Variants in SEMA6D observed in about 807,000 individuals in gnomAD.
SEMA6D encodes semaphorin 6D, also known as semaphorin-6D.
SEMA6D carries 35 observed loss-of-function variants against 106.6 expected under a neutral mutation model. The ratio of observed to expected loss-of-function variants is 0.33; its 90% CI spans 0.25 to 0.44. The LOEUF (loss-of-function observed/expected upper bound fraction) is 0.44, where lower values mean the gene tolerates loss of function less well. Ranked by LOEUF, SEMA6D falls within the 20% of genes least tolerant of loss-of-function variation. The pLI is 1.00. For synonymous variants in SEMA6D, 499 were observed against 487.7 expected (o/e 1.02, Z -0.31); for missense variants, 1,185 against 1,345.9 (o/e 0.88, Z 1.87).
intron 1 of SEMA6D, among the ~76,000 whole-genome samples, chr15:47,344,894 G>A (rs1479716477): frequency 2.6e-5 from 4 of 152,060 alleles, no homozygotes; most frequent in Non-Finnish European, 4.4e-5. Flanking sequence ...GTCCAATTAC[G>A]TTTTTGTATA....
chr15:47,608,749 A>G (rs2076833228), intron 4 of SEMA6D, among the ~76,000 whole-genome samples: 1 of 152,166 alleles, frequency 6.6e-6, no homozygotes, highest in Non-Finnish European at 1.5e-5. Context: ...TCTGCCCAAA[A>G]TCTGAAGTAT....
chr15:47,211,782 ATAAT>A (rs1430442701), intron 1 of SEMA6D, among the ~76,000 whole-genome samples: 1 of 152,168 alleles, frequency 6.6e-6, no homozygotes, highest in African/African-American at 2.4e-5. Flanking sequence ...AAAGAAACAG[ATAAT>A]TATTAAGTGG....
intron 1 of SEMA6D, among the ~76,000 whole-genome samples, chr15:47,308,588 G>C (rs2036319928): frequency 6.6e-6 from 1 of 152,184 alleles, no homozygotes; most frequent in Non-Finnish European, 1.5e-5. Flanking sequence ...TGGCAGAAGA[G>C]TTTCTCAGAG....
At chr15:47,462,020 T>C (rs1175128647) in intron 2 of SEMA6D, among the ~76,000 whole-genome samples, 1 of 152,084 alleles carries the variant, frequency 6.6e-6, no homozygotes, top group African/African-American at 2.4e-5. Context: ...TTGGTGATTC[T>C]AGATACTGAT....
At chr15:47,587,998 A>G (rs1441605886) in intron 3 of SEMA6D, among the ~76,000 whole-genome samples, 2 of 152,160 alleles carry the variant, frequency 1.3e-5, no homozygotes, top group East Asian at 3.9e-4. Context: ...GAGTGCAGCT[A>G]CTTCTACAGG....
At chr15:47,234,723 C>T (rs1046286150) in intron 1 of SEMA6D, among the ~76,000 whole-genome samples, 2 of 151,978 alleles carry the variant, frequency 1.3e-5, no homozygotes, top group African/African-American at 4.8e-5. Context: ...TATATATTAT[C>T]ACATTTTCTT....
intron 1 of SEMA6D, among the ~76,000 whole-genome samples, chr15:47,356,254 C>T (rs548535672): frequency 1.3e-5 from 2 of 152,282 alleles, no homozygotes; most frequent in Non-Finnish European, 2.9e-5. Flanking sequence ...GAAGGAACAA[C>T]AAATGGTAAT....
At chr15:47,342,799 C>A (rs1488588979) in intron 1 of SEMA6D, among the ~76,000 whole-genome samples, 1 of 152,192 alleles carries the variant, frequency 6.6e-6, no homozygotes, top group East Asian at 1.9e-4. Context: ...CAACATCTGC[C>A]TCCCAGGTTC....
chr15:47,444,405 G>T (rs1186235037), intron 2 of SEMA6D, among the ~76,000 whole-genome samples: 3 of 152,102 alleles, frequency 2.0e-5, no homozygotes, highest in Non-Finnish European at 4.4e-5. Flanking sequence ...CTGAGAGTTT[G>T]GGATCAGCAG....
At position 47,542,132 on chromosome 15, in the gene SEMA6D, T is replaced by C. The variant is rs532876373; in HGVS notation, c.-86-58733T>C. Among the ~76,000 whole-genome samples, 7 of 152,350 alleles carry C rather than the reference T, an allele frequency of 4.6e-5. No homozygotes were observed. The South Asian group carries it at 1.0e-3, about 23-fold the overall frequency. On this transcript the variant is annotated intron_variant, in intron 3 of 19. Transcript: ENST00000558014. ...TGCACCTAAGATTCTGGATATGTTA[T>C]AATAATCAGCCAATAACAAATTTCT...
At chr15:47,354,071 A>G (rs1341221181) in intron 1 of SEMA6D, among the ~76,000 whole-genome samples, 1 of 151,534 alleles carries the variant, frequency 6.6e-6, no homozygotes, top group Non-Finnish European at 1.5e-5. Context: ...CTCTACATAT[A>G]TATATGTATA....
chr15:47,649,636 G>A (rs1190298190), intron 4 of SEMA6D, among the ~76,000 whole-genome samples: 1 of 152,178 alleles, frequency 6.6e-6, no homozygotes, highest in East Asian at 1.9e-4. Flanking sequence ...CTGGACTACA[G>A]AGCAAGACCC....
chr15:47,683,068 A>T (rs1413050078), intron 4 of SEMA6D, among the ~76,000 whole-genome samples: 1 of 152,176 alleles, frequency 6.6e-6, no homozygotes. Flanking sequence ...TATTTTTTAT[A>T]TTTTTTATAG....
At chr15:47,554,632 A>G (rs192526482) in intron 3 of SEMA6D, among the ~76,000 whole-genome samples, 1 of 152,196 alleles carries the variant, frequency 6.6e-6, no homozygotes, top group Non-Finnish European at 1.5e-5. Context: ...TAAGCAAGAC[A>G]TGGAGCTGTG....
intron 2 of SEMA6D, among the ~76,000 whole-genome samples, chr15:47,462,739 TA>T: frequency 6.6e-6 from 1 of 152,218 alleles, no homozygotes; most frequent in South Asian, 2.1e-4. Flanking sequence ...AATGAATAGA[TA>T]AAAGGCCTTC....
At chr15:47,698,205 C>G (rs1388622051) in intron 4 of SEMA6D, among the ~76,000 whole-genome samples, 1 of 152,022 alleles carries the variant, frequency 6.6e-6, no homozygotes, top group Non-Finnish European at 1.5e-5. Flanking sequence ...AAATATTTCT[C>G]ATGGTGAAGT....
At chr15:47,288,933 C>T (rs2035485083) in intron 1 of SEMA6D, among the ~76,000 whole-genome samples, 1 of 152,078 alleles carries the variant, frequency 6.6e-6, no homozygotes, top group Non-Finnish European at 1.5e-5. Context: ...GAGTTAATCC[C>T]ATTTACTTTT....
chr15:47,415,810 G>C (rs937345812), intron 2 of SEMA6D, among the ~76,000 whole-genome samples: 1 of 152,096 alleles, frequency 6.6e-6, no homozygotes, highest in Non-Finnish European at 1.5e-5. Context: ...AAGAACTGTT[G>C]ATCACACATC....
At chr15:47,766,706 G>T in intron 16 of SEMA6D, 29 bp downstream of exon 16, 1 of 1,485,088 alleles carries the variant, frequency 6.7e-7, no homozygotes, top group South Asian at 1.1e-5. Context: ...TTCCCACCTG[G>T]AGCTTCTTTT....
Sources: allele counts gnomAD v4.1 joint callset (sites outside exome capture counted in the v4.1 genomes callset), GRCh38; gene constraint gnomAD v4.1.1; transcripts MANE v1.5; gene names NCBI Gene and HGNC (gene_info 2026-07-23, HGNC 2026-07-21).